The following DIRAS2 variants were observed in gnomAD, a reference collection of about 807,000 sequenced individuals.
The protein encoded by DIRAS2 is GTP-binding protein Di-Ras2.
DIRAS2 carries 5 observed loss-of-function variants against 13.9 expected under a neutral mutation model. The observed-to-expected ratio is 0.36, with a 90% CI of 0.19 to 0.76. The LOEUF is 0.76. Ranked by LOEUF, DIRAS2 falls within the 30% of genes least tolerant of loss-of-function variation. DIRAS2 has a pLI of 0.53. For missense variants in DIRAS2, 191 were observed against 263.0 expected, an observed-to-expected ratio of 0.73 and a Z score of 1.89; for synonymous variants, 111 against 105.4, an observed-to-expected ratio of 1.05 and a Z score of -0.33.
rs1334490844 is a variant in DIRAS2, at chr9:90,611,350, G to A, written c.*1878C>T. On this transcript the variant is annotated 3_prime_UTR_variant, in exon 2 of 2. Transcript: ENST00000375765. Reference sequence around the variant, plus strand: ...TCTCTGCTTTCTCAGCTCAGCATGAGTGTTCCCCCTGTAAAGTCAGGGCGG... The same window carrying A: ...TCTCTGCTTTCTCAGCTCAGCATGAATGTTCCCCCTGTAAAGTCAGGGCGG... The A allele has an allele frequency of 6.6e-6, 1 of 152,220 alleles. No homozygotes were observed. Among genetic ancestry groups the A allele is most frequent in the African/African-American group, 2.4e-5 (1 of 41,418 alleles). The allele number at this position is 152,220 out of a possible 1,614,324, so 9.4% of individuals were successfully genotyped here. A position where few individuals can be genotyped will look rare whatever the true frequency, so the allele number is the denominator to read the frequency against.
chr9:90,626,797 T>C (rs772538618), intron 1 of DIRAS2, among the ~76,000 whole-genome samples: 2 of 152,202 alleles, frequency 1.3e-5, no homozygotes, highest in African/African-American at 2.4e-5. Context: ...TAGATATTTG[T>C]GTGCCCGTGT....
intron 1 of DIRAS2, among the ~76,000 whole-genome samples, chr9:90,625,263 T>C (rs1825257702): frequency 6.6e-6 from 1 of 152,194 alleles, no homozygotes; most frequent in African/African-American, 2.4e-5. Flanking sequence ...TATGTATTCT[T>C]GGTTAGGTGA....
At chr9:90,636,343 A>G (rs1217753003) in intron 1 of DIRAS2, among the ~76,000 whole-genome samples, 5 of 152,098 alleles carry the variant, frequency 3.3e-5, no homozygotes, top group Non-Finnish European at 7.4e-5. Context: ...TGAGGTAGGG[A>G]TGGAAGCCAA....
intron 1 of DIRAS2, among the ~76,000 whole-genome samples, chr9:90,621,167 C>T (rs901947522): frequency 6.6e-6 from 1 of 151,584 alleles, no homozygotes; most frequent in African/African-American, 2.4e-5. Context: ...TTACAACAGG[C>T]CTGGGAATGA....
chr9:90,618,132 G>C (rs1275612944), intron 1 of DIRAS2, among the ~76,000 whole-genome samples: 1 of 152,126 alleles, frequency 6.6e-6, no homozygotes, highest in Non-Finnish European at 1.5e-5. Context: ...AATTAAAAGT[G>C]AAAAAGCTGG....
chr9:90,620,591 A>G (rs145637444), intron 1 of DIRAS2, among the ~76,000 whole-genome samples: 3 of 152,196 alleles, frequency 2.0e-5, no homozygotes, highest in African/African-American at 7.2e-5. Flanking sequence ...ACCCGTCTCT[A>G]GTAAAAATAC....
chr9:90,641,096 T>C (rs565529219), intron 1 of DIRAS2, among the ~76,000 whole-genome samples: 1 of 152,178 alleles, frequency 6.6e-6, no homozygotes, highest in Admixed American at 6.5e-5. Flanking sequence ...CAACATACAA[T>C]AAATAATTTT....
At chr9:90,627,184 C>T (rs1256142270) in intron 1 of DIRAS2, among the ~76,000 whole-genome samples, 1 of 152,152 alleles carries the variant, frequency 6.6e-6, no homozygotes, top group Non-Finnish European at 1.5e-5. Flanking sequence ...CGTGATTGTA[C>T]GCCTCCTGAG....
Position 90,628,522 on chromosome 9 carries a change from TACACACACACACAC to T in DIRAS2, c.-37+14216_-37+14229del, listed in dbSNP as rs71360439. On this transcript the variant is annotated intron_variant, in intron 1 of 1. Coordinates refer to ENST00000375765, the MANE Select transcript of DIRAS2 (RefSeq NM_017594.5). Reference sequence around the variant, plus strand: ...GAAATGCAAAATAAAACAAAATTTATACACACACACACACACACACACACACACACGTATTTTTT... The same window carrying T: ...GAAATGCAAAATAAAACAAAATTTATACACACACACACACACGTATTTTTT... 2.4e-3 allele frequency among the ~76,000 whole-genome samples: 361 copies of T among 149,262 alleles called. 3 individuals are homozygous for T. The highest frequency in any genetic ancestry group is 4.3e-3 in the Non-Finnish European group (287 of 67,338).
At chr9:90,627,213 A>G (rs1393419360) in intron 1 of DIRAS2, among the ~76,000 whole-genome samples, 3 of 152,172 alleles carry the variant, frequency 2.0e-5, no homozygotes, top group Non-Finnish European at 4.4e-5. Context: ...AGAAGCAGAC[A>G]CCGCTATGGT....
At chr9:90,638,197 C>T (rs534073824) in intron 1 of DIRAS2, among the ~76,000 whole-genome samples, 1 of 152,196 alleles carries the variant, frequency 6.6e-6, no homozygotes, top group Non-Finnish European at 1.5e-5. Flanking sequence ...TGATTTATTT[C>T]TGCATCTTGA....
At chr9:90,629,057 T>C (rs1478527065) in intron 1 of DIRAS2, among the ~76,000 whole-genome samples, 3 of 152,086 alleles carry the variant, frequency 2.0e-5, no homozygotes, top group African/African-American at 7.2e-5. Flanking sequence ...GGTTTCACCG[T>C]GTAAGCCAGG....
rs146948193 is a variant in DIRAS2 at position 90,627,723 on chromosome 9, T to A, written c.-36-13860A>T. ...TTTTACCATAATAAAAAGATATGAC[T>A]GTATGTATAAACATTTTTAGCAATA... On this transcript the variant is annotated intron_variant, in intron 1 of 1. Transcript: ENST00000375765. Among the ~76,000 whole-genome samples, 47 of 152,328 alleles carry A rather than the reference T, an allele frequency of 3.1e-4. No individual in the cohort carries two copies. In the East Asian group the frequency reaches 7.7e-3, roughly 25 times the overall value.
chr9:90,613,081 G>T lies in DIRAS2; in HGVS notation c.*147C>A. 8.4e-7 allele frequency: 1 copy of T among 1,192,792 alleles called. No homozygotes were observed. Among genetic ancestry groups the T allele is most frequent in the Non-Finnish European group, 1.2e-6 (1 of 862,578 alleles). The allele number at this position is 1,192,792 out of a possible 1,614,324, so 73.9% of individuals were successfully genotyped here. On this transcript the variant is annotated 3_prime_UTR_variant, in exon 2 of 2. Coordinates refer to ENST00000375765, the MANE Select transcript of DIRAS2 (RefSeq NM_017594.5). The surrounding 1 kb of genome is among the most constrained non-coding windows in gnomAD (Gnocchi z 5.6). Reference sequence around the variant, plus strand: ...TGGCTTACTGTTGGTGGTGTGAAACGCCCTCTTAAGGACAATAGGACGCAT... The same window carrying T: ...TGGCTTACTGTTGGTGGTGTGAAACTCCCTCTTAAGGACAATAGGACGCAT...
intron 1 of DIRAS2, among the ~76,000 whole-genome samples, chr9:90,637,114 G>T (rs1224208871): frequency 2.0e-5 from 3 of 152,168 alleles, no homozygotes; most frequent in African/African-American, 7.2e-5. Flanking sequence ...CATATCACCA[G>T]CCCAGGAAAA....
chr9:90,616,304 G>A lies in DIRAS2; in HGVS notation c.-36-2441C>T, dbSNP rs559019660. ...CCACTAAACCAGGCTGTGGACAAGC[G>A]GCCAGAAAACAACTGTGCAGAGGAC... On this transcript the variant is annotated intron_variant, in intron 1 of 1. Transcript: ENST00000375765. 1.3e-3 allele frequency among the ~76,000 whole-genome samples: 197 copies of A among 152,244 alleles called. 1 individual carries two copies. The highest frequency in any genetic ancestry group is 3.4e-3 in the African/African-American group (141 of 41,530).
At chr9:90,635,577 C>A (rs1482015479) in intron 1 of DIRAS2, among the ~76,000 whole-genome samples, 1 of 152,184 alleles carries the variant, frequency 6.6e-6, no homozygotes, top group Non-Finnish European at 1.5e-5. Flanking sequence ...ACCACGAGGT[C>A]AAGAAAACAC....
chr9:90,641,633 C>T (rs1467409506), intron 1 of DIRAS2, among the ~76,000 whole-genome samples: 1 of 152,200 alleles, frequency 6.6e-6, no homozygotes, highest in African/African-American at 2.4e-5. Flanking sequence ...TAAATTTATT[C>T]TAATTTTATC....
At chr9:90,632,177 C>T (rs1252397257) in intron 1 of DIRAS2, among the ~76,000 whole-genome samples, 2 of 152,186 alleles carry the variant, frequency 1.3e-5, no homozygotes, top group South Asian at 2.1e-4. Flanking sequence ...CTGCAGGACA[C>T]GTCATTCCTA....
Sources: gnomAD v4.1 joint callset for allele counts (sites outside exome capture counted in the v4.1 genomes callset) on GRCh38, gnomAD v4.1.1 for gene constraint, Gnocchi (gnomAD v3.1) non-coding constraint, MANE v1.5 for transcripts, NCBI Gene and HGNC (gene_info 2026-07-23, HGNC 2026-07-21) for gene names.